Variants in PIGN observed in about 807,000 individuals in gnomAD.
The protein encoded by PIGN is phosphatidylinositol glycan anchor biosynthesis class N, also known as GPI ethanolamine phosphate transferase 1.
PIGN carries 117 observed loss-of-function variants against 125.4 expected under a neutral mutation model. That is an observed-to-expected ratio of 0.93 (90% CI 0.80 to 1.09). The LOEUF is 1.09. Among genes scored for constraint, PIGN ranks in the 50% least tolerant of loss-of-function variants. PIGN has a pLI of 0.00. For synonymous variants in PIGN, 392 were observed against 377.8 expected, an observed-to-expected ratio of 1.04 and a Z score of -0.44; for missense variants, 1,075 against 1,094.9, an observed-to-expected ratio of 0.98 and a Z score of 0.26.
At chr18:62,177,948 T>G (rs932237764) in intron 1 of PIGN, among the ~76,000 whole-genome samples, 15 of 152,158 alleles carry the variant, frequency 9.9e-5, no homozygotes, top group Admixed American at 3.9e-4. Context: ...GCTTGTCTAG[T>G]GCTCACAGAT....
At chr18:62,133,808 T>C (rs2035827283) in intron 14 of PIGN, among the ~76,000 whole-genome samples, 1 of 152,200 alleles carries the variant, frequency 6.6e-6, no homozygotes, top group Admixed American at 6.5e-5. Flanking sequence ...ATAAGTTTTA[T>C]CAAAGCAATA....
At chr18:62,145,458 G>C (rs2036290456) in intron 10 of PIGN, among the ~76,000 whole-genome samples, 1 of 152,176 alleles carries the variant, frequency 6.6e-6, no homozygotes. Flanking sequence ...AAATAGCTCA[G>C]TACTACCTCT....
chr18:62,026,275 T>C (rs1225342139), intron 23 of PIGN, among the ~76,000 whole-genome samples: 1 of 152,016 alleles, frequency 6.6e-6, no homozygotes, highest in Non-Finnish European at 1.5e-5. Context: ...AACAAAAAGA[T>C]ACAGTTAATG....
In PIGN at chr18:62,146,011, C is replaced by G; in HGVS notation, c.820G>C (p.Gly274Arg). The change falls in exon 10 of 31, where the codon GGT becomes CGT. Residue 274 changes from glycine to arginine, a missense_variant. By Grantham distance (125) the Gly-to-Arg change is moderately radical (BLOSUM62 -2). Transcript: ENST00000640252. The part of the protein sequence containing the change: ...GMTDWGSHGA[G>R]HPSETLTPLV... ...GGAGTTAAAGTCTCTGAAGGATGACCAGCCCCATGGGAACCTACAAATAAG... is the reference window on the plus strand; with the variant it reads ...GGAGTTAAAGTCTCTGAAGGATGACGAGCCCCATGGGAACCTACAAATAAG... 3.2e-6 allele frequency: 5 copies of G among 1,566,026 alleles called. No individual in the cohort carries two copies. Among genetic ancestry groups the G allele is most frequent in the Non-Finnish European group, 4.4e-6 (5 of 1,146,538 alleles).
At chr18:62,057,881 T>A (rs187916367) in intron 30 of PIGN, among the ~76,000 whole-genome samples, 40 of 152,366 alleles carry the variant, frequency 2.6e-4, no homozygotes, top group African/African-American at 8.2e-4. Context: ...AGGGAAAAGA[T>A]ACTTTGCTTA....
intron 1 of PIGN, among the ~76,000 whole-genome samples, chr18:62,179,870 T>C (rs568562896): frequency 6.6e-6 from 1 of 152,324 alleles, no homozygotes; most frequent in South Asian, 2.1e-4. Context: ...TTTTTACCAG[T>C]ATAGATGCAA....
At chr18:62,181,790 G>A (rs541716612) in intron 1 of PIGN, among the ~76,000 whole-genome samples, 14 of 152,152 alleles carry the variant, frequency 9.2e-5, no homozygotes, top group African/African-American at 4.8e-5. Flanking sequence ...GCAGTGGCGC[G>A]ATCTCGGCTC....
intron 28 of PIGN, among the ~76,000 whole-genome samples, chr18:62,079,742 G>T (rs956822702): frequency 4.7e-5 from 7 of 149,758 alleles, no homozygotes; most frequent in Admixed American, 4.0e-4. Flanking sequence ...TCTGGCAGGA[G>T]CTGAAATCCA....
In PIGN at chr18:62,143,357, C is replaced by A. The variant is rs1448778693; in HGVS notation, c.923-11G>T. The A allele has an allele frequency of 1.4e-6, 2 of 1,477,990 alleles. No individual in the cohort carries two copies. The highest frequency in any genetic ancestry group is 1.2e-5 in the South Asian group (1 of 83,740). 91.6% of individuals were successfully genotyped at this position (1,477,990 alleles called of 1,614,324 possible). On this transcript the variant is annotated splice_polypyrimidine_tract_variant and intron_variant, in intron 10 of 30. Coordinates refer to ENST00000640252, the MANE Select transcript of PIGN (RefSeq NM_176787.5). Reference sequence around the variant, plus strand: ...TCTCCAATCTCCACTCTGAAAGATACAATCAGACACAAGATCTGATGTTAA... The same window carrying A: ...TCTCCAATCTCCACTCTGAAAGATAAAATCAGACACAAGATCTGATGTTAA...
In PIGN at chr18:62,101,106, G is replaced by A. The variant is rs1367508773; in HGVS notation, c.2046C>T (p.Leu682=). The A allele has an allele frequency of 1.2e-6, 2 of 1,609,852 alleles. No individual in the cohort carries two copies. The highest frequency in any genetic ancestry group is 1.7e-5 in the Admixed American group (1 of 60,004). ...SSLLRKQGLP[L]MNQIISWATL... Reference sequence around the variant, plus strand: ...TTGCCCAGCTAATAATTTGATTCATGAGAGGCAGTCCTTGCTTCCTGAGTA... The same window carrying A: ...TTGCCCAGCTAATAATTTGATTCATAAGAGGCAGTCCTTGCTTCCTGAGTA... The change falls in exon 22 of 31, where the codon CTC becomes CTT. Residue 682 remains leucine, a synonymous_variant. Transcript: ENST00000640252.
At position 62,097,145 on chromosome 18, in the gene PIGN, C is replaced by A. The variant is rs867070129; in HGVS notation, c.2078-1195G>T. 1.7e-3 allele frequency among the ~76,000 whole-genome samples: 242 copies of A among 142,026 alleles called. 1 individual carries two copies. The highest frequency in any genetic ancestry group is 5.2e-3 in the African/African-American group (197 of 38,130). 93.2% of individuals were successfully genotyped at this position (142,026 alleles called of 152,430 possible). A position where few individuals can be genotyped will look rare whatever the true frequency, so the allele number is the denominator to read the frequency against. ...ATCAGAGTGAACAGGCAACCTACAA[C>A]ATGGGAGAAAATTTTCGCAACCTAC... On this transcript the variant is annotated intron_variant, in intron 22 of 30. Transcript: ENST00000640252.
chr18:62,134,464 T>A (rs998701230), intron 14 of PIGN, among the ~76,000 whole-genome samples: 2 of 152,174 alleles, frequency 1.3e-5, no homozygotes, highest in African/African-American at 2.4e-5. Context: ...ATTCTCCATA[T>A]TCTATTTCAT....
In PIGN at chr18:62,043,556, T is replaced by C. The variant is rs1257485635; in HGVS notation, c.*2300A>G. 6.6e-6 allele frequency: 1 copy of C among 152,280 alleles called. No individual in the cohort carries two copies. The highest frequency in any genetic ancestry group is 2.4e-5 in the African/African-American group (1 of 41,556). The allele number at this position is 152,280 out of a possible 1,614,324, so 9.4% of individuals were successfully genotyped here. A position where few individuals can be genotyped will look rare whatever the true frequency, so the allele number is the denominator to read the frequency against. ...ATTCAGCTCTATCATTAATAAATAA[T>C]TATAAAGACATTACTATGAAAATAT... is the stretch of plus-strand genomic sequence containing the variant. On this transcript the variant is annotated 3_prime_UTR_variant, in exon 31 of 31. Transcript: ENST00000640252.
At position 62,084,811 on chromosome 18, in the gene PIGN, A is replaced by G. The variant is rs1204210649; in HGVS notation, c.2427-205T>C. Among the ~76,000 whole-genome samples, 3 of 152,208 alleles carry G rather than the reference A, an allele frequency of 2.0e-5. No individual in the cohort carries two copies. In the East Asian group the frequency reaches 5.8e-4, roughly 29 times the overall value. ...ATCTCCAAAATATATCATTCAGTAT[A>G]AAAAGCAAGGTGCAGGCTGGGTGCC... is the stretch of plus-strand genomic sequence containing the variant. On this transcript the variant is annotated intron_variant, in intron 26 of 30. Coordinates refer to ENST00000640252, the MANE Select transcript of PIGN (RefSeq NM_176787.5).
In PIGN at chr18:62,070,340, A is replaced by G. The variant is rs2032771101; in HGVS notation, c.2672+2333T>C. The G allele has an allele frequency of 2.3e-5, 9 of 398,232 alleles. No individual in the cohort carries two copies. In the South Asian group the frequency reaches 1.2e-3, roughly 51 times the overall value. 24.7% of individuals were successfully genotyped at this position (398,232 alleles called of 1,614,324 possible). ...AACTTTCCCTAAACTTTCAAGTATA[A>G]GAGACAAATGAAAACCAAATCAATT... On this transcript the variant is annotated intron_variant, in intron 30 of 30. Coordinates refer to ENST00000640252, the MANE Select transcript of PIGN (RefSeq NM_176787.5).
rs974225470 is a variant in PIGN at position 62,145,661 on chromosome 18, A to G, written c.922+248T>C. On this transcript the variant is annotated intron_variant, in intron 10 of 30. Coordinates refer to ENST00000640252, the MANE Select transcript of PIGN (RefSeq NM_176787.5). Reference sequence around the variant, plus strand: ...ATTAATAAAAGAACATCAAAAGTTCAGTTTATCAGTTTAGACATTCAGAAA... The same window carrying G: ...ATTAATAAAAGAACATCAAAAGTTCGGTTTATCAGTTTAGACATTCAGAAA... Among the ~76,000 whole-genome samples the G allele has an allele frequency of 9.9e-5, 15 of 152,168 alleles. 1 individual carries two copies. Among genetic ancestry groups the G allele is most frequent in the African/African-American group, 3.6e-4 (15 of 41,448 alleles).
chr18:62,074,657 T>C (rs762695476), intron 29 of PIGN, 122 bp downstream of exon 29: 1 of 593,472 alleles, frequency 1.7e-6, no homozygotes, highest in Non-Finnish European at 3.0e-6. Flanking sequence ...GTGTAAATTA[T>C]GCCAGCACTT....
At chr18:62,053,411 C>CA (rs928448492) in intron 30 of PIGN, among the ~76,000 whole-genome samples, 1 of 151,898 alleles carries the variant, frequency 6.6e-6, no homozygotes, top group African/African-American at 2.4e-5. Flanking sequence ...AAACAGAAAA[C>CA]AAAAAAATAA....
intron 14 of PIGN, among the ~76,000 whole-genome samples, chr18:62,117,596 A>C (rs2146677652): frequency 6.6e-6 from 1 of 152,182 alleles, no homozygotes; most frequent in African/African-American, 2.4e-5. Context: ...CATTTTCTTA[A>C]ACCTGAGTTG....
Sources: gnomAD v4.1 joint callset for allele counts (sites outside exome capture counted in the v4.1 genomes callset) on GRCh38, gnomAD v4.1.1 for gene constraint, MANE v1.5 for transcripts, NCBI Gene and HGNC (gene_info 2026-07-23, HGNC 2026-07-21) for gene names.